Variants in ZNF83 observed in about 807,000 individuals in gnomAD.
ZNF83 encodes zinc finger protein 816B.
For missense variants in ZNF83, 552 were observed against 629.9 expected, an observed-to-expected ratio of 0.88 and a Z score of 1.32; for synonymous variants, 209 against 213.0, an observed-to-expected ratio of 0.98 and a Z score of 0.17.
chr19:52,613,282 G>A lies in ZNF83; in HGVS notation c.1283C>T (p.Ala428Val), dbSNP rs2060168496. The A allele has an allele frequency of 6.2e-7, 1 of 1,614,032 alleles. No individual in the cohort carries two copies. The change falls in exon 3 of 3, where the codon GCT (alanine) becomes GTT (valine). Residue 428 changes from alanine to valine, a missense_variant. Transcript: ENST00000301096. ...CTTCCCACATTCATTACATTTATAA[G>A]CTTTTTCTCCAGTATGAATTCTCCA... is the stretch of plus-strand genomic sequence containing the variant.
In ZNF83 at chr19:52,677,710, C is replaced by A. The variant is rs897197921; in HGVS notation, c.-283+12733G>T. ...GAGACCACAGGCGTGAAGAATGATC[C>A]CTAGCTGAGTAGGTAGAGATCGGTT... On this transcript the variant is annotated intron_variant, in intron 1 of 5. Transcript: ENST00000594682. 6.6e-5 allele frequency among the ~76,000 whole-genome samples: 10 copies of A among 150,648 alleles called. No individual in the cohort carries two copies. The East Asian group carries it at 1.2e-3, about 18-fold the overall frequency.
At chr19:52,632,894 C>G (rs1022367823) in intron 2 of ZNF83, among the ~76,000 whole-genome samples, 3 of 152,200 alleles carry the variant, frequency 2.0e-5, no homozygotes, top group African/African-American at 4.8e-5. Context: ...GTCTCTCCCA[C>G]TCTAGGTTCC....
At chr19:52,655,838 G>C (rs1409465557) in intron 2 of ZNF83, among the ~76,000 whole-genome samples, 1 of 152,202 alleles carries the variant, frequency 6.6e-6, no homozygotes, top group Non-Finnish European at 1.5e-5. Context: ...TTTTTGTGCA[G>C]TTGCATTTTA....
intron 1 of ZNF83, among the ~76,000 whole-genome samples, chr19:52,689,859 A>G (rs1037601741): frequency 1.3e-4 from 20 of 152,342 alleles, no homozygotes; most frequent in Admixed American, 2.0e-4. Flanking sequence ...TGGGCAGGCA[A>G]GAACACCCCG....
intron 2 of ZNF83, among the ~76,000 whole-genome samples, chr19:52,633,198 C>T (rs1305156515): frequency 2.0e-5 from 3 of 152,034 alleles, no homozygotes; most frequent in Admixed American, 2.0e-4. Flanking sequence ...TACTGGGCAC[C>T]TTGTGGCCCC....
At chr19:52,625,997 T>C (rs2060723602) in intron 2 of ZNF83, among the ~76,000 whole-genome samples, 1 of 152,232 alleles carries the variant, frequency 6.6e-6, no homozygotes, top group Non-Finnish European at 1.5e-5. Flanking sequence ...CTCCTCCGCT[T>C]ACATGTGTCT....
chr19:52,645,438 T>A (rs992608384), intron 3 of ZNF83, among the ~76,000 whole-genome samples: 2 of 152,136 alleles, frequency 1.3e-5, no homozygotes, highest in Non-Finnish European at 2.9e-5. Flanking sequence ...AAAAAAATGA[T>A]GTGAGCTGAT....
chr19:52,615,403 G>A (rs2060270120), intron 2 of ZNF83, among the ~76,000 whole-genome samples: 2 of 152,108 alleles, frequency 1.3e-5, no homozygotes, highest in African/African-American at 4.8e-5. Context: ...AACCACTAGA[G>A]TACTTGCTTC....
chr19:52,664,604 G>A (rs1353242996), intron 1 of ZNF83, among the ~76,000 whole-genome samples: 1 of 152,152 alleles, frequency 6.6e-6, no homozygotes, highest in Non-Finnish European at 1.5e-5. Flanking sequence ...TTCTGGGTCT[G>A]TGCCAATTAG....
intron 2 of ZNF83, among the ~76,000 whole-genome samples, chr19:52,634,861 G>T (rs531147907): frequency 3.3e-5 from 5 of 152,246 alleles, no homozygotes; most frequent in African/African-American, 1.2e-4. Flanking sequence ...ACCATGCCCA[G>T]TGCAGCCTCT....
intron 2 of ZNF83, among the ~76,000 whole-genome samples, chr19:52,631,886 C>A (rs1173270914): frequency 6.6e-6 from 1 of 151,748 alleles, no homozygotes; most frequent in Non-Finnish European, 1.5e-5. Flanking sequence ...AAGGAAATAA[C>A]TTCTCAGTGT....
intron 2 of ZNF83, among the ~76,000 whole-genome samples, chr19:52,658,247 C>T (rs2061533411): frequency 6.6e-6 from 1 of 151,976 alleles, no homozygotes; most frequent in Non-Finnish European, 1.5e-5. Flanking sequence ...CACCATCCTA[C>T]ACATTATGAA....
chr19:52,638,169 C>T (rs1423127064), intron 1 of ZNF83, 143 bp downstream of exon 1: 1 of 152,358 alleles, frequency 6.6e-6, no homozygotes, highest in Non-Finnish European at 1.5e-5. Flanking sequence ...GAAGCGATAT[C>T]CGGACTCTCA....
At chr19:52,614,303 T>C in exon 3 of ZNF83, 1 of 1,613,940 alleles carries the variant, frequency 6.2e-7, no homozygotes, top group South Asian at 1.1e-5. Flanking sequence ...TCTGTCCCAA[T>C]ATTTGCTTTC....
chr19:52,676,500 GT>G (rs1186175646), intron 1 of ZNF83, among the ~76,000 whole-genome samples: 1 of 151,268 alleles, frequency 6.6e-6, no homozygotes, highest in African/African-American at 2.4e-5. Context: ...CGGGAGGGAG[GT>G]GGGGGGCAGC....
upstream of ZNF83, among the ~76,000 whole-genome samples, chr19:52,642,012 A>G (rs2061312751): frequency 2.0e-5 from 3 of 152,152 alleles, no homozygotes; most frequent in Non-Finnish European, 4.4e-5. Flanking sequence ...CTGAATACAC[A>G]ATTTATATAT....
chr19:52,686,097 T>C (rs542523130), intron 1 of ZNF83, among the ~76,000 whole-genome samples: 5 of 152,186 alleles, frequency 3.3e-5, no homozygotes, highest in South Asian at 4.1e-4. Context: ...CTGGTTAAAC[T>C]GCATTTTGAT....
chr19:52,687,637 A>G lies in ZNF83; in HGVS notation c.-283+2806T>C, dbSNP rs1337348375. ...ATGTGTATATATATATATAATGTAT[A>G]TATATATATATATATATATAATGTA... On this transcript the variant is annotated intron_variant, in intron 1 of 5. Coordinates refer to the ZNF83 transcript ENST00000594682. 6.3e-4 allele frequency among the ~76,000 whole-genome samples: 11 copies of G among 17,358 alleles called. 1 individual carries two copies. The highest frequency in any genetic ancestry group is 1.5e-3 in the South Asian group (1 of 674). 11.4% of individuals were successfully genotyped at this position (17,358 alleles called of 152,430 possible).
At chr19:52,633,850 C>T (rs759177283) in intron 2 of ZNF83, among the ~76,000 whole-genome samples, 2 of 151,988 alleles carry the variant, frequency 1.3e-5, no homozygotes, top group Non-Finnish European at 2.9e-5. Flanking sequence ...GTGGAGGTTG[C>T]GGTGAGCAAA....
Sources: allele counts gnomAD v4.1 joint callset (sites outside exome capture counted in the v4.1 genomes callset), GRCh38; gene constraint gnomAD v4.1.1; transcripts MANE v1.5; gene names NCBI Gene and HGNC (gene_info 2026-07-23, HGNC 2026-07-21).